ABCD3: variants seen among roughly 807,000 people sequenced by gnomAD.
ABCD3 encodes ATP binding cassette subfamily D member 3.
In ABCD3, 41 loss-of-function variants were observed where a neutral mutation model predicts 105.5. That is an observed-to-expected ratio of 0.39 (90% CI 0.30 to 0.50). ABCD3 has a LOEUF of 0.50. Among genes scored for constraint, ABCD3 ranks in the 20% least tolerant of loss-of-function variants. The pLI is 0.84. For synonymous variants in ABCD3, 258 were observed against 269.0 expected, an observed-to-expected ratio of 0.96 and a Z score of 0.40; for missense variants, 622 against 806.3, an observed-to-expected ratio of 0.77 and a Z score of 2.77.
At chr1:94,512,394 A>G (rs1650719792) in intron 21 of ABCD3, among the ~76,000 whole-genome samples, 1 of 151,954 alleles carries the variant, frequency 6.6e-6, no homozygotes, top group South Asian at 2.1e-4. Context: ...TTCTCTTTAT[A>G]TATGGGAAAT....
At chr1:94,495,483 G>C (rs1649752849) in intron 16 of ABCD3, among the ~76,000 whole-genome samples, 1 of 152,078 alleles carries the variant, frequency 6.6e-6, no homozygotes, top group African/African-American at 2.4e-5. Flanking sequence ...GCTTATCATG[G>C]CTGACGTCAT....
intron 9 of ABCD3, chr1:94,482,679 TC>T (rs1264325251): frequency 6.0e-6 from 1 of 165,484 alleles, no homozygotes; most frequent in East Asian, 1.7e-4. Flanking sequence ...CAGGGTTTCC[TC>T]CTGGGAGCTG....
chr1:94,475,441 G>A (rs1648689203), intron 6 of ABCD3, among the ~76,000 whole-genome samples, 173 bp from the exon 7 acceptor site: 1 of 152,020 alleles, frequency 6.6e-6, no homozygotes, highest in Non-Finnish European at 1.5e-5. Flanking sequence ...ATCATTTTCT[G>A]GACTTGTGTC....
intron 20 of ABCD3, among the ~76,000 whole-genome samples, chr1:94,502,645 C>T (rs1650155032): frequency 6.6e-6 from 1 of 151,900 alleles, no homozygotes; most frequent in Non-Finnish European, 1.5e-5. Context: ...TACAGGCATG[C>T]ACCACCACGC....
intron 1 of ABCD3, among the ~76,000 whole-genome samples, chr1:94,430,285 CT>C (rs1659622418): frequency 6.6e-6 from 1 of 152,050 alleles, no homozygotes; most frequent in Middle Eastern, 3.2e-3. Flanking sequence ...GGACTGTGGA[CT>C]TTTGAGTTAA....
At chr1:94,481,234 C>G (rs1483412012) in intron 9 of ABCD3, among the ~76,000 whole-genome samples, 1 of 152,116 alleles carries the variant, frequency 6.6e-6, no homozygotes, top group Non-Finnish European at 1.5e-5. Flanking sequence ...TTATATGGAG[C>G]AACTGCTCAA....
chr1:94,503,671 G>A (rs1490635509), intron 20 of ABCD3, among the ~76,000 whole-genome samples: 3 of 152,054 alleles, frequency 2.0e-5, no homozygotes, highest in Non-Finnish European at 4.4e-5. Flanking sequence ...TATACTTGCT[G>A]CCTCCCCTTC....
chr1:94,418,210 G>T (rs570434647), upstream of ABCD3, among the ~76,000 whole-genome samples: 2 of 152,298 alleles, frequency 1.3e-5, no homozygotes, highest in East Asian at 3.9e-4. Context: ...CCGCGTTTCC[G>T]GAGACCCTGA....
chr1:94,455,127 C>G (rs1184192106), intron 1 of ABCD3, among the ~76,000 whole-genome samples: 2 of 152,094 alleles, frequency 1.3e-5, no homozygotes, highest in Non-Finnish European at 2.9e-5. Flanking sequence ...TATGATAAAT[C>G]TGCTGTATTG....
intron 16 of ABCD3, among the ~76,000 whole-genome samples, chr1:94,495,471 T>C (rs1649752273): frequency 6.6e-6 from 1 of 152,186 alleles, no homozygotes; most frequent in Middle Eastern, 3.2e-3. Flanking sequence ...AAATTATCAC[T>C]GGCTTATCAT....
At chr1:94,403,745 C>T in the ABCD3 span, among the ~76,000 whole-genome samples, 16 of 152,164 alleles carry the variant, frequency 1.1e-4, no homozygotes, top group Non-Finnish European at 2.2e-4. Flanking sequence ...TCCTGTGTTC[C>T]TGTGACATGC....
intron 1 of ABCD3, among the ~76,000 whole-genome samples, chr1:94,424,571 C>T (rs918193703): frequency 8.5e-5 from 13 of 152,086 alleles, no homozygotes; most frequent in African/African-American, 1.9e-4. Context: ...TACAGCCACA[C>T]GTCACCACAC....
At chr1:94,485,559 A>AT (rs1649240308) in intron 10 of ABCD3, among the ~76,000 whole-genome samples, 1 of 152,152 alleles carries the variant, frequency 6.6e-6, no homozygotes, top group Non-Finnish European at 1.5e-5. Flanking sequence ...CGGCTTGCTT[A>AT]TTCTCATCCT....
At chr1:94,423,502 T>C (rs1272900874) in intron 1 of ABCD3, among the ~76,000 whole-genome samples, 1 of 152,222 alleles carries the variant, frequency 6.6e-6, no homozygotes, top group Non-Finnish European at 1.5e-5. Flanking sequence ...CACTTTCTGC[T>C]CTATTTTAGA....
intron 20 of ABCD3, among the ~76,000 whole-genome samples, chr1:94,505,629 A>G (rs539618029): frequency 6.3e-4 from 96 of 152,270 alleles, no homozygotes; most frequent in African/African-American, 2.2e-3. Flanking sequence ...CTGACAGAAT[A>G]CAGGAAAAAG....
At chr1:94,482,294 C>T (rs1386236141) in intron 9 of ABCD3, 5 of 151,994 alleles carry the variant, frequency 3.3e-5, no homozygotes, top group East Asian at 1.9e-4. Context: ...TTATGAAAAA[C>T]GCAGGTCCAT....
chr1:94,436,515 T>C (rs1193142435), intron 1 of ABCD3, among the ~76,000 whole-genome samples: 1 of 152,214 alleles, frequency 6.6e-6, no homozygotes, highest in Non-Finnish European at 1.5e-5. Flanking sequence ...TCAGAGCATA[T>C]TGATATAGGC....
chr1:94,486,427 T>C (rs1356037759), intron 10 of ABCD3, among the ~76,000 whole-genome samples: 1 of 152,202 alleles, frequency 6.6e-6, no homozygotes, highest in African/African-American at 2.4e-5. Context: ...CTCTGTTCTA[T>C]TCATTGTATC....
the ABCD3 span, among the ~76,000 whole-genome samples, chr1:94,395,741 T>G: frequency 2.6e-5 from 4 of 152,134 alleles, no homozygotes; most frequent in African/African-American, 9.7e-5. Context: ...CCATTAAAAT[T>G]AATTCTGCAG....
Sources: allele counts gnomAD v4.1 joint callset (sites outside exome capture counted in the v4.1 genomes callset), GRCh38; gene constraint gnomAD v4.1.1; transcripts MANE v1.5; gene names NCBI Gene and HGNC (gene_info 2026-07-23, HGNC 2026-07-21).